Variants in MECOM observed in about 807,000 individuals in gnomAD.
The protein encoded by MECOM is MDS1 and EVI1 complex locus.
A neutral mutation model predicts 116.3 loss-of-function variants in MECOM; 13 were observed. The ratio of observed to expected loss-of-function variants is 0.11; its 90% CI spans 0.07 to 0.18. MECOM has a LOEUF of 0.18. MECOM is among the 10% of genes least tolerant of loss of function. MECOM has a pLI of 1.00. For synonymous variants in MECOM, 528 were observed against 535.2 expected (o/e 0.99, Z 0.19); for missense variants, 1,299 against 1,509.0 (o/e 0.86, Z 2.31).
At chr3:169,106,476 T>G (rs895552241) in intron 10 of MECOM, among the ~76,000 whole-genome samples, 1 of 152,034 alleles carries the variant, frequency 6.6e-6, no homozygotes, top group Non-Finnish European at 1.5e-5. Flanking sequence ...CCACGAAAAA[T>G]TATAAACATA....
chr3:169,418,130 A>C (rs1388314620), intron 1 of MECOM, among the ~76,000 whole-genome samples: 1 of 151,930 alleles, frequency 6.6e-6, no homozygotes, highest in Non-Finnish European at 1.5e-5. Context: ...CTAAACAAAA[A>C]AAAAAAAAGA....
At chr3:169,387,165 G>GA (rs139580382) in intron 1 of MECOM, among the ~76,000 whole-genome samples, 1 of 151,920 alleles carries the variant, frequency 6.6e-6, no homozygotes, top group East Asian at 1.9e-4. Context: ...CTACAGAAGG[G>GA]AAAAAAAGAT....
intron 2 of MECOM, among the ~76,000 whole-genome samples, chr3:169,316,982 G>A (rs1159176724): frequency 6.6e-6 from 1 of 152,096 alleles, no homozygotes; most frequent in Non-Finnish European, 1.5e-5. Context: ...ACAATACTTG[G>A]TAAATTAGAT....
intron 2 of MECOM, among the ~76,000 whole-genome samples, chr3:169,266,303 A>G (rs1179336313): frequency 1.3e-5 from 2 of 152,348 alleles, no homozygotes; most frequent in South Asian, 4.1e-4. Context: ...GTGTATGAGT[A>G]CAGTTACTTC....
At chr3:169,373,724 T>C (rs891976351) in intron 2 of MECOM, among the ~76,000 whole-genome samples, 2 of 152,060 alleles carry the variant, frequency 1.3e-5, no homozygotes, top group East Asian at 1.9e-4. Flanking sequence ...GACCATTCAA[T>C]TGGAGTAGTT....
chr3:169,094,023 G>A (rs1440475603), intron 13 of MECOM, among the ~76,000 whole-genome samples: 1 of 152,064 alleles, frequency 6.6e-6, no homozygotes, highest in Non-Finnish European at 1.5e-5. Flanking sequence ...TATGCTATAA[G>A]GGTACACACA....
intron 1 of MECOM, among the ~76,000 whole-genome samples, chr3:169,561,871 C>T (rs1042909165): frequency 1.3e-5 from 2 of 151,978 alleles, no homozygotes; most frequent in Non-Finnish European, 2.9e-5. Flanking sequence ...CTAGGCTGGG[C>T]ATGTGTGCTC....
intron 2 of MECOM, among the ~76,000 whole-genome samples, chr3:169,371,514 T>TAC (rs35247420): frequency 0.021 from 3,065 of 149,222 alleles, 33 homozygotes; most frequent in East Asian, 0.053. Context: ...GTATTTTCAC[T>TAC]ACACACACAC....
intron 1 of MECOM, among the ~76,000 whole-genome samples, chr3:169,452,409 T>C (rs1233477496): frequency 1.3e-5 from 2 of 152,198 alleles, no homozygotes; most frequent in African/African-American, 4.8e-5. Flanking sequence ...AAATCTATGA[T>C]GGATCAATGT....
At chr3:169,443,686 C>T (rs1466098552) in intron 1 of MECOM, among the ~76,000 whole-genome samples, 1 of 152,194 alleles carries the variant, frequency 6.6e-6, no homozygotes, top group Admixed American at 6.5e-5. Flanking sequence ...TGAACAGGCT[C>T]ATCTCCTGTC....
intron 1 of MECOM, among the ~76,000 whole-genome samples, chr3:169,405,111 G>A (rs1055706664): frequency 6.6e-6 from 1 of 152,196 alleles, no homozygotes; most frequent in African/African-American, 2.4e-5. Flanking sequence ...GCCAGTCACA[G>A]CTTTGCTAAT....
At chr3:169,296,989 C>T (rs1715731558) in intron 2 of MECOM, among the ~76,000 whole-genome samples, 1 of 152,164 alleles carries the variant, frequency 6.6e-6, no homozygotes. Flanking sequence ...AGATCTGTGT[C>T]ACAACAACAT....
At chr3:169,585,458 C>T (rs1374393180) in intron 1 of MECOM, among the ~76,000 whole-genome samples, 1 of 152,144 alleles carries the variant, frequency 6.6e-6, no homozygotes, top group South Asian at 2.1e-4. Flanking sequence ...GTATTTGGCT[C>T]ATTTCCTTTA....
At chr3:169,559,835 A>C (rs369414028) in intron 1 of MECOM, among the ~76,000 whole-genome samples, 3 of 152,188 alleles carry the variant, frequency 2.0e-5, no homozygotes, top group East Asian at 3.8e-4. Context: ...ACCACTTACA[A>C]TATTACTTCC....
At chr3:169,484,818 A>G (rs1235857087) in intron 1 of MECOM, among the ~76,000 whole-genome samples, 1 of 152,132 alleles carries the variant, frequency 6.6e-6, no homozygotes, top group Non-Finnish European at 1.5e-5. Context: ...CAAGCATATC[A>G]AAAGAGTTAT....
intron 2 of MECOM, among the ~76,000 whole-genome samples, chr3:169,268,025 T>G (rs1383615663): frequency 2.0e-5 from 3 of 152,182 alleles, no homozygotes; most frequent in Non-Finnish European, 2.9e-5. Context: ...AATTAGTTAT[T>G]ACGTTATTCA....
intron 2 of MECOM, among the ~76,000 whole-genome samples, chr3:169,279,984 G>A (rs1370123482): frequency 1.3e-5 from 2 of 152,120 alleles, no homozygotes; most frequent in Admixed American, 6.6e-5. Context: ...TTCTTTCATG[G>A]AGATCTCAGA....
intron 14 of MECOM, 85 bp downstream of exon 14, chr3:169,092,873 G>A: frequency 6.6e-7 from 1 of 1,518,960 alleles, no homozygotes; most frequent in Non-Finnish European, 9.1e-7. Context: ...TAATAGTAGT[G>A]CCACAAAAGT....
chr3:169,338,928 CAG>C (rs1415185730), intron 2 of MECOM, among the ~76,000 whole-genome samples: 1 of 152,046 alleles, frequency 6.6e-6, no homozygotes, highest in African/African-American at 2.4e-5. Context: ...TTTACATTCT[CAG>C]AGTAAAAATT....
Sources: gnomAD v4.1 joint callset for allele counts (sites outside exome capture counted in the v4.1 genomes callset) on GRCh38, gnomAD v4.1.1 for gene constraint, MANE v1.5 for transcripts, NCBI Gene and HGNC (gene_info 2026-07-23, HGNC 2026-07-21) for gene names.